The following SH3GL3 variants were observed in gnomAD, a reference collection of about 807,000 sequenced individuals.
The protein encoded by SH3GL3 is endophilin-A3.
In SH3GL3, 33 loss-of-function variants were observed where a neutral mutation model predicts 47.7. That is an observed-to-expected ratio of 0.69 (90% CI 0.52 to 0.92). The LOEUF is 0.92. Ranked by LOEUF, SH3GL3 falls within the 40% of genes least tolerant of loss-of-function variation. SH3GL3 has a pLI of 0.00. For synonymous variants in SH3GL3, 155 were observed against 148.8 expected (o/e 1.04, Z -0.30); for missense variants, 363 against 417.8 (o/e 0.87, Z 1.14).
intron 1 of SH3GL3, among the ~76,000 whole-genome samples, chr15:83,501,218 T>C (rs965577009): frequency 7.2e-5 from 11 of 152,348 alleles, no homozygotes; most frequent in African/African-American, 2.6e-4. Flanking sequence ...ATAACATTTA[T>C]GAAAGTAAAT....
chr15:83,482,311 C>G (rs1471604289), intron 1 of SH3GL3, among the ~76,000 whole-genome samples: 1 of 151,972 alleles, frequency 6.6e-6, no homozygotes, highest in African/African-American at 2.4e-5. Flanking sequence ...TATTGTTTTA[C>G]AGTTTGCAGT....
the SH3GL3 span, among the ~76,000 whole-genome samples, chr15:83,631,308 G>T: frequency 2.6e-5 from 4 of 152,200 alleles, no homozygotes; most frequent in African/African-American, 9.7e-5. Context: ...GGTGCAAGCT[G>T]TCAGTGGATT....
chr15:83,612,794 G>T (rs528521124), intron 8 of SH3GL3, among the ~76,000 whole-genome samples: 40 of 152,238 alleles, frequency 2.6e-4, no homozygotes, highest in Non-Finnish European at 3.8e-4. Flanking sequence ...TCCATGGCTT[G>T]TAATCAAAAT....
At chr15:83,490,480 T>C (rs1354519803) in intron 1 of SH3GL3, among the ~76,000 whole-genome samples, 1 of 152,056 alleles carries the variant, frequency 6.6e-6, no homozygotes, top group Admixed American at 6.6e-5. Context: ...GGGTAGGAAA[T>C]GTTATTTGTG....
At chr15:83,576,523 T>A (rs1190949440) in intron 5 of SH3GL3, 60 bp from the exon 6 acceptor site, 1 of 1,458,912 alleles carries the variant, frequency 6.9e-7, no homozygotes, top group African/African-American at 1.4e-5. Flanking sequence ...ATAGAAATAA[T>A]TTTTTGTGCC....
intron 1 of SH3GL3, among the ~76,000 whole-genome samples, chr15:83,500,988 A>G (rs550744722): frequency 3.3e-5 from 5 of 152,302 alleles, no homozygotes; most frequent in African/African-American, 1.2e-4. Flanking sequence ...GGATTTTGGA[A>G]TATTTCTTGT....
At chr15:83,632,661 T>C in the SH3GL3 span, among the ~76,000 whole-genome samples, 906 of 152,252 alleles carry the variant, frequency 6.0e-3, 14 homozygotes, top group African/African-American at 0.02. Context: ...AATCCCCTTA[T>C]AAAACCATCA....
At chr15:83,599,355 C>A (rs576311561) in intron 8 of SH3GL3, among the ~76,000 whole-genome samples, 1 of 152,294 alleles carries the variant, frequency 6.6e-6, no homozygotes, top group South Asian at 2.1e-4. Context: ...CCCCTTCCAC[C>A]CTTTCTCTCA....
intron 1 of SH3GL3, among the ~76,000 whole-genome samples, 154 bp from the exon 2 acceptor site, chr15:83,559,099 T>C (rs1051924612): frequency 1.3e-5 from 2 of 152,232 alleles, no homozygotes; most frequent in Non-Finnish European, 1.5e-5. Context: ...CCTTTAGATA[T>C]GGTTACCCCT....
intron 1 of SH3GL3, among the ~76,000 whole-genome samples, chr15:83,475,993 A>G (rs1164482375): frequency 3.3e-5 from 5 of 152,236 alleles, no homozygotes; most frequent in Non-Finnish European, 5.9e-5. Context: ...AGTATTGATC[A>G]TAATACTAAT....
intron 1 of SH3GL3, among the ~76,000 whole-genome samples, chr15:83,525,737 A>G (rs980036736): frequency 9.2e-5 from 14 of 152,140 alleles, no homozygotes; most frequent in Admixed American, 3.9e-4. Context: ...TCTTCTGCAT[A>G]TGGATACCGA....
intron 2 of SH3GL3, among the ~76,000 whole-genome samples, chr15:83,559,589 A>G (rs529600098): frequency 5.5e-4 from 84 of 152,354 alleles, no homozygotes; most frequent in African/African-American, 1.9e-3. Context: ...TGTGCAAAAG[A>G]TGGGCAATCT....
intron 1 of SH3GL3, among the ~76,000 whole-genome samples, chr15:83,484,977 C>A (rs1314503030): frequency 6.6e-6 from 1 of 152,152 alleles, no homozygotes; most frequent in Non-Finnish European, 1.5e-5. Flanking sequence ...GATGCATTAT[C>A]TTCCAAAACC....
intron 1 of SH3GL3, among the ~76,000 whole-genome samples, chr15:83,492,279 C>CAA (rs11300008): frequency 2.4e-3 from 124 of 51,434 alleles, no homozygotes; most frequent in Non-Finnish European, 3.1e-3. Context: ...GACTCCCTCT[C>CAA]AAAAAAAAAA....
At chr15:83,457,791 G>C (rs1002509533) in intron 1 of SH3GL3, among the ~76,000 whole-genome samples, 2 of 152,144 alleles carry the variant, frequency 1.3e-5, no homozygotes, top group Non-Finnish European at 2.9e-5. Context: ...TGTGAAGATA[G>C]ATGTTTAAAA....
At chr15:83,628,511 C>A in the SH3GL3 span, among the ~76,000 whole-genome samples, 1 of 152,032 alleles carries the variant, frequency 6.6e-6, no homozygotes, top group Non-Finnish European at 1.5e-5. Context: ...GGGAGGCCAA[C>A]GTAGGTGGAT....
chr15:83,557,577 C>T (rs886982838), intron 1 of SH3GL3, among the ~76,000 whole-genome samples: 10 of 152,216 alleles, frequency 6.6e-5, no homozygotes, highest in African/African-American at 2.4e-4. Context: ...CAGCTGGGGT[C>T]TCTCACGTTA....
At chr15:83,527,274 AT>A (rs2043469033) in intron 1 of SH3GL3, among the ~76,000 whole-genome samples, 1 of 152,000 alleles carries the variant, frequency 6.6e-6, no homozygotes, top group African/African-American at 2.4e-5. Context: ...TTCTTTGTTA[AT>A]TTTTTGCCTA....
intron 1 of SH3GL3, among the ~76,000 whole-genome samples, chr15:83,502,635 G>A (rs141871589): frequency 2.0e-5 from 3 of 152,266 alleles, no homozygotes; most frequent in African/African-American, 7.2e-5. Context: ...ATGGCTCACT[G>A]TAGCCTCGAC....
Sources: gnomAD v4.1 joint callset for allele counts (sites outside exome capture counted in the v4.1 genomes callset) on GRCh38, gnomAD v4.1.1 for gene constraint, MANE v1.5 for transcripts, NCBI Gene and HGNC (gene_info 2026-07-23, HGNC 2026-07-21) for gene names.